The following C4BPA variants were observed in gnomAD, a reference collection of about 807,000 sequenced individuals.
C4BPA encodes the protein complement component 4 binding protein alpha.
C4BPA carries 31 observed loss-of-function variants against 63.7 expected under a neutral mutation model. The ratio of observed to expected loss-of-function variants is 0.49; its 90% confidence interval spans 0.37 to 0.66. The LOEUF (loss-of-function observed/expected upper bound fraction) is 0.66. Among genes scored for constraint, C4BPA ranks in the 30% least tolerant of loss-of-function variants. The pLI, the probability that C4BPA is intolerant of heterozygous loss-of-function variation, is 0.00. For missense variants in C4BPA, 572 were observed against 723.3 expected (o/e 0.79, Z 2.40); for synonymous variants, 259 against 254.7 (o/e 1.02, Z -0.16).
intron 4 of C4BPA, among the ~76,000 whole-genome samples, chr1:207,119,000 G>C (rs9943182): frequency 0.25 from 11,704 of 47,522 alleles, 2,729 homozygotes; most frequent in East Asian, 0.47. Flanking sequence ...CTCAGGAAGG[G>C]AAGATAGACA....
chr1:207,141,738 C>G (rs1451547625), intron 10 of C4BPA, among the ~76,000 whole-genome samples: 1 of 151,934 alleles, frequency 6.6e-6, no homozygotes, highest in African/African-American at 2.4e-5. Flanking sequence ...TGTGAGGGGT[C>G]AGGGAGGGTG....
chr1:207,106,441 G>GTTTTTTTTTTTTTTTTTTT (rs757122192), intron 1 of C4BPA, among the ~76,000 whole-genome samples: 8 of 118,436 alleles, frequency 6.8e-5, no homozygotes, highest in African/African-American at 1.9e-4. Flanking sequence ...CTCCGTGTAA[G>GTTTTTTTTTTTTTTTTTTT]TTTTTTTTTT....
chr1:207,112,387 T>C (rs1199971349), intron 1 of C4BPA, among the ~76,000 whole-genome samples: 1 of 151,196 alleles, frequency 6.6e-6, no homozygotes, highest in Non-Finnish European at 1.5e-5. Flanking sequence ...ACCTTTCTTT[T>C]AAGTCCTCTG....
At chr1:207,126,566 C>A in intron 6 of C4BPA, 147 bp from the exon 7 acceptor site, 1 of 522,728 alleles carries the variant, frequency 1.9e-6, no homozygotes, top group South Asian at 2.9e-5. Context: ...TATGTGTATT[C>A]ACTTTAAAAT....
chr1:207,108,634 A>G (rs1327222265), intron 1 of C4BPA, among the ~76,000 whole-genome samples: 1 of 152,234 alleles, frequency 6.6e-6, no homozygotes, highest in African/African-American at 2.4e-5. Flanking sequence ...GACAGAATAA[A>G]ATAATTATTA....
chr1:207,142,939 G>A (rs963218231), intron 10 of C4BPA, among the ~76,000 whole-genome samples: 3 of 152,088 alleles, frequency 2.0e-5, no homozygotes, highest in African/African-American at 4.8e-5. Flanking sequence ...GATTCCTCAA[G>A]GATCTAGAAC....
chr1:207,135,745 C>G (rs1350449606), intron 9 of C4BPA, among the ~76,000 whole-genome samples: 2 of 152,226 alleles, frequency 1.3e-5, no homozygotes, highest in Non-Finnish European at 2.9e-5. Context: ...CCATCACTGT[C>G]AAGCATTGCC....
intron 8 of C4BPA, 82 bp from the exon 9 acceptor site, chr1:207,134,322 A>T: frequency 9.8e-7 from 1 of 1,021,138 alleles, no homozygotes; most frequent in Non-Finnish European, 1.5e-6. Flanking sequence ...GAGATCGTCC[A>T]AAGATGGAAA....
intron 2 of C4BPA, among the ~76,000 whole-genome samples, chr1:207,113,792 G>A (rs1684720589): frequency 6.6e-6 from 1 of 152,010 alleles, no homozygotes; most frequent in Non-Finnish European, 1.5e-5. Flanking sequence ...GAGTCAGGTT[G>A]GTGAAGTTCA....
At position 207,143,911 on chromosome 1, in the gene C4BPA, C is replaced by T. The variant is rs1685474650; in HGVS notation, c.1538C>T (p.Ser513Phe). Residue 513 changes from serine (S) to phenylalanine (F), a missense_variant, in exon 11 of 12, where the codon TCT becomes TTT. Physicochemically the swap from Ser to Phe is radical, Grantham distance 155. Around this residue, in one of 2 missense-constraint regions of C4BPA, gnomAD observed 465 missense variants for 629.4 expected, o/e 0.74. Transcript: ENST00000367070. ...EPENVTIQCDSGYGVVGPQSI... is the reference protein window; with the variant it reads ...EPENVTIQCDFGYGVVGPQSI... ...GAAAATGTCACCATCCAATGTGATT[C>T]TGGCTATGGTGTGGTTGGTCCCCAA... is the stretch of plus-strand genomic sequence containing the variant. 1.2e-6 allele frequency: 2 copies of T among 1,612,620 alleles called. No homozygotes were observed. The highest frequency in any genetic ancestry group is 2.7e-5 in the African/African-American group (2 of 74,820).
rs376241781 is a variant in C4BPA, at chr1:207,114,213, G to A, written c.256G>A (p.Val86Ile). 1.1e-5 allele frequency: 17 copies of A among 1,613,606 alleles called. No homozygotes were observed. The highest frequency in any genetic ancestry group is 4.0e-5 in the African/African-American group (3 of 74,910). ...GAAATACACCTGCCTCCCTGGCTAC[G>A]TCAGATCCCATTCAACTCAGACGCT... ...TLKYTCLPGY[V>I]RSHSTQTLTC... is the part of the protein sequence containing the mutation. Residue 86 changes from valine to isoleucine, a missense_variant, in exon 3 of 12, where the codon GTC becomes ATC. Physicochemically the swap from Val to Ile is conservative, Grantham distance 29. Transcript: ENST00000367070.
chr1:207,127,126 T>C, intron 7 of C4BPA: 1 of 342,940 alleles, frequency 2.9e-6, no homozygotes, highest in Non-Finnish European at 5.2e-6. Flanking sequence ...ACTGTGCACA[T>C]TCCAACCTTA....
In C4BPA at chr1:207,144,649, C is replaced by A. The variant is rs1685494772; in HGVS notation, c.1726C>A (p.Leu576Met). The change falls in exon 12 of 12, where the codon CTG becomes ATG. Residue 576 changes from leucine to methionine, a missense_variant. This residue lies in a region of C4BPA where 465 missense variants were observed against 629.4 expected (regional missense o/e 0.74). Coordinates refer to ENST00000367070, the MANE Select transcript of C4BPA (RefSeq NM_000715.4). The stretch of plus-strand genomic sequence containing the variant: ...GGCCCTGGAGGTATATAAGCTGTCT[C>A]TGGAAATTGAACAACTGGAACTACA... Reference protein sequence around the residue: ...KMALEVYKLSLEIEQLELQRD... With the variant: ...KMALEVYKLSMEIEQLELQRD... 3.1e-6 allele frequency: 5 copies of A among 1,613,560 alleles called. No homozygotes were observed. The highest frequency in any genetic ancestry group is 3.4e-6 in the Non-Finnish European group (4 of 1,179,806).
chr1:207,134,793 A>T (rs573108363), intron 9 of C4BPA, among the ~76,000 whole-genome samples: 1 of 152,216 alleles, frequency 6.6e-6, no homozygotes, highest in African/African-American at 2.4e-5. Context: ...GAATCAGTGA[A>T]AATAGACAAC....
rs753075551 is a variant in C4BPA, at chr1:207,141,248, C to T, written c.1416C>T (p.His472=). The change falls in exon 10 of 12, where the codon CAC becomes CAT. Residue 472 remains histidine (H), a synonymous_variant. Transcript: ENST00000367070. Reference sequence around the variant, plus strand: ...CGAAACTCTCCTGCAGTTATTCACACTGGTCAGCTCCAGCCCCTCAATGTA... The same window carrying T: ...CGAAACTCTCCTGCAGTTATTCACATTGGTCAGCTCCAGCCCCTCAATGTA... The part of the protein sequence containing the change: ...GQAKLSCSYS[H]WSAPAPQCKA... The T allele has an allele frequency of 1.2e-6, 2 of 1,613,514 alleles. No individual in the cohort carries two copies. Among genetic ancestry groups the T allele is most frequent in the African/African-American group, 2.7e-5 (2 of 75,036 alleles).
At chr1:207,111,971 A>G (rs1192214035) in intron 1 of C4BPA, among the ~76,000 whole-genome samples, 1 of 152,060 alleles carries the variant, frequency 6.6e-6, no homozygotes, top group Non-Finnish European at 1.5e-5. Flanking sequence ...AGATTTCTTA[A>G]AAAACTAAAA....
rs530867822 is a variant in C4BPA, at chr1:207,126,913, C to G, written c.889+18C>G. Reference sequence around the variant, plus strand: ...TGAGCCCAGTAAGTATGGACTGTGACAGAATTTCAATGTTTGGCATCTAAA... The same window carrying G: ...TGAGCCCAGTAAGTATGGACTGTGAGAGAATTTCAATGTTTGGCATCTAAA... On this transcript the variant is annotated intron_variant, in intron 7 of 11. Coordinates refer to ENST00000367070, the MANE Select transcript of C4BPA (RefSeq NM_000715.4). 1.3e-6 allele frequency: 2 copies of G among 1,599,642 alleles called. No homozygotes were observed. The highest frequency in any genetic ancestry group is 1.7e-6 in the Non-Finnish European group (2 of 1,170,208).
chr1:207,140,083 T>C (rs1685380904), intron 9 of C4BPA, among the ~76,000 whole-genome samples: 1 of 152,236 alleles, frequency 6.6e-6, no homozygotes, highest in Admixed American at 6.5e-5. Flanking sequence ...CAATTCATTA[T>C]AATGGTTGCA....
chr1:207,135,407 A>G (rs954740879), intron 9 of C4BPA, among the ~76,000 whole-genome samples: 1 of 152,100 alleles, frequency 6.6e-6, no homozygotes, highest in Non-Finnish European at 1.5e-5. Context: ...ATCTCTATCT[A>G]GCAATGGTGA....
Sources: allele counts gnomAD v4.1 joint callset (sites outside exome capture counted in the v4.1 genomes callset), GRCh38; gene constraint gnomAD v4.1.1; regional missense constraint gnomAD v4.1.1; transcripts MANE v1.5; gene names NCBI Gene and HGNC (gene_info 2026-07-23, HGNC 2026-07-21).